TENM4: variants seen among roughly 807,000 people sequenced by gnomAD.
TENM4 encodes the protein teneurin-4.
TENM4 carries 82 observed loss-of-function variants against 243.3 expected under a neutral mutation model. That is an observed-to-expected ratio of 0.34 (90% CI 0.28 to 0.40). The LOEUF (loss-of-function observed/expected upper bound fraction) is 0.40. Ranked by LOEUF, TENM4 falls within the 10% of genes least tolerant of loss-of-function variation. TENM4 has a pLI of 1.00. For missense variants in TENM4, 3,138 were observed against 3,673.3 expected, an observed-to-expected ratio of 0.85 and a Z score of 3.77; for synonymous variants, 1,412 against 1,456.3, an observed-to-expected ratio of 0.97 and a Z score of 0.69.
At chr11:79,146,868 A>G (rs2135046495) in intron 4 of TENM4, among the ~76,000 whole-genome samples, 1 of 152,224 alleles carries the variant, frequency 6.6e-6, no homozygotes, top group Non-Finnish European at 1.5e-5. Flanking sequence ...GCTGACTGAC[A>G]CCATAGCCTG....
chr11:78,930,571 T>C (rs990419733), intron 6 of TENM4, among the ~76,000 whole-genome samples: 1 of 152,168 alleles, frequency 6.6e-6, no homozygotes, highest in African/African-American at 2.4e-5. Context: ...CACCTATAAA[T>C]GAGGAAAATA....
intron 7 of TENM4, among the ~76,000 whole-genome samples, chr11:78,893,780 T>TACACACACACGCACACACACACAC (rs1855722668): frequency 7.0e-6 from 1 of 142,670 alleles, no homozygotes; most frequent in African/African-American, 2.8e-5. Context: ...GGACTTCACA[T>TACACACACACGCACACACACACAC]ACACACACAC....
chr11:78,996,417 T>C (rs1858173925), intron 6 of TENM4, among the ~76,000 whole-genome samples: 1 of 152,224 alleles, frequency 6.6e-6, no homozygotes, highest in Non-Finnish European at 1.5e-5. Flanking sequence ...TTCGATGTTT[T>C]AGCCCCAGCC....
chr11:78,672,516 C>T lies in TENM4; in HGVS notation c.5497-187G>A, dbSNP rs149392955. Among the ~76,000 whole-genome samples the T allele has an allele frequency of 4.6e-3, 693 of 152,282 alleles. 6 individuals carry two copies. The highest frequency in any genetic ancestry group is 0.016 in the African/African-American group (658 of 41,552). ...TTGTCAGCTCTGTGAAGTTTCCTCA[C>T]CTGTAAAATGGGGACAATAATGCCA... On this transcript the variant is annotated intron_variant, in intron 30 of 33. Coordinates refer to ENST00000278550, the MANE Select transcript of TENM4 (RefSeq NM_001098816.3).
chr11:79,152,869 C>G (rs1006012312), intron 3 of TENM4, among the ~76,000 whole-genome samples: 1 of 152,214 alleles, frequency 6.6e-6, no homozygotes, highest in East Asian at 1.9e-4. Context: ...CACAGGAAAA[C>G]CCAACGGCAT....
At chr11:79,276,714 G>A (rs554878148) in intron 2 of TENM4, among the ~76,000 whole-genome samples, 2 of 152,200 alleles carry the variant, frequency 1.3e-5, no homozygotes, top group Admixed American at 6.5e-5. Flanking sequence ...CATCCTTACA[G>A]GAGACTTTGG....
intron 1 of TENM4, among the ~76,000 whole-genome samples, chr11:79,349,326 A>C (rs534489346): frequency 9.8e-4 from 150 of 152,346 alleles, no homozygotes; most frequent in African/African-American, 3.5e-3. Context: ...ATAGAAAAAA[A>C]AGATTTCACC....
chr11:78,848,770 T>C (rs1858460750), intron 12 of TENM4, among the ~76,000 whole-genome samples: 1 of 152,130 alleles, frequency 6.6e-6, no homozygotes, highest in African/African-American at 2.4e-5. Flanking sequence ...ATACCTTCCC[T>C]GTATCCTCAG....
intron 1 of TENM4, among the ~76,000 whole-genome samples, chr11:79,329,797 C>A (rs1320487086): frequency 1.3e-5 from 2 of 152,148 alleles, no homozygotes; most frequent in East Asian, 1.9e-4. Flanking sequence ...GTAGGCTGTG[C>A]AGGTCTCAGC....
chr11:79,199,046 T>C (rs897294920), intron 3 of TENM4, among the ~76,000 whole-genome samples: 5 of 151,912 alleles, frequency 3.3e-5, no homozygotes, highest in African/African-American at 1.2e-4. Context: ...AGATGGCCAG[T>C]GTGGGTGGAG....
At chr11:78,890,956 G>A (rs1855651183) in intron 8 of TENM4, among the ~76,000 whole-genome samples, 1 of 152,212 alleles carries the variant, frequency 6.6e-6, no homozygotes, top group South Asian at 2.1e-4. Context: ...ATACAATACA[G>A]GGCCTGTGCT....
intron 1 of TENM4, among the ~76,000 whole-genome samples, chr11:79,300,725 C>T (rs1203897847): frequency 1.3e-5 from 2 of 152,186 alleles, no homozygotes; most frequent in African/African-American, 4.8e-5. Context: ...TCTTGGTCAT[C>T]ACACTTTTTC....
At position 79,296,248 on chromosome 11, in the gene TENM4, T is replaced by C. The variant is rs190828974; in HGVS notation, c.-265+1240A>G. ...AACTCAGCAAAAGCAGAAGCTACCA[T>C]GCTTGGAGTCCAGGATCATTAAGCT... On this transcript the variant is annotated intron_variant, in intron 2 of 33. Coordinates refer to ENST00000278550, the MANE Select transcript of TENM4 (RefSeq NM_001098816.3). 2.0e-5 allele frequency among the ~76,000 whole-genome samples: 3 copies of C among 152,170 alleles called. No individual in the cohort carries two copies. The East Asian group carries it at 5.8e-4, about 29-fold the overall frequency.
intron 1 of TENM4, among the ~76,000 whole-genome samples, chr11:79,409,777 G>A (rs1220210030): frequency 6.6e-6 from 1 of 152,196 alleles, no homozygotes; most frequent in African/African-American, 2.4e-5. Flanking sequence ...TGGAGGTGGA[G>A]GCTCCACAAC....
At chr11:79,259,165 G>T (rs1291591451) in intron 2 of TENM4, among the ~76,000 whole-genome samples, 1 of 152,120 alleles carries the variant, frequency 6.6e-6, no homozygotes, top group Non-Finnish European at 1.5e-5. Flanking sequence ...CAAAAGGAGG[G>T]TTTCATCAGT....
rs1855622174 is a variant in TENM4, at chr11:78,889,808, A to C, written c.1061T>G (p.Val354Gly). ...LSAIVISATL[V>G]ILLAYFVAMH... Reference sequence around the variant, plus strand: ...ACCCACAAAGTATGCCAGCAGGATGACCAGAGTGGCTGAGATGACGATGGC... The same window carrying C: ...ACCCACAAAGTATGCCAGCAGGATGCCCAGAGTGGCTGAGATGACGATGGC... The change falls in exon 9 of 34, where the codon GTC becomes GGC. Residue 354 changes from valine to glycine, a missense_variant. By Grantham distance (109) the Val-to-Gly change is moderately radical. Around this residue, in one of 2 missense-constraint regions of TENM4, gnomAD observed 671 missense variants for 614.1 expected, o/e 1.09. Transcript: ENST00000278550. 1 of 1,552,074 alleles carries C rather than the reference A, an allele frequency of 6.4e-7. No homozygotes were observed. Among genetic ancestry groups the C allele is most frequent in the Non-Finnish European group, 8.7e-7 (1 of 1,147,082 alleles).
rs185316830 is a variant in TENM4 at position 79,417,206 on chromosome 11, G to A, written c.-321+23303C>T. 5.9e-3 allele frequency among the ~76,000 whole-genome samples: 894 copies of A among 152,272 alleles called. 6 individuals carry two copies. Among genetic ancestry groups the A allele is most frequent in the Non-Finnish European group, 9.7e-3 (659 of 68,022 alleles). On this transcript the variant is annotated intron_variant, in intron 1 of 33. Coordinates refer to ENST00000278550, the MANE Select transcript of TENM4 (RefSeq NM_001098816.3). ...GTGTGTTTCATGCGTTGACTCTTAC[G>A]TAAGCACTGAAAACATGTCTAGAGT...
In TENM4 at chr11:78,930,553, G is replaced by A. The variant is rs1338838192; in HGVS notation, c.494-27030C>T. Among the ~76,000 whole-genome samples the A allele has an allele frequency of 2.6e-5, 4 of 152,074 alleles. No individual in the cohort carries two copies. In the East Asian group the frequency reaches 5.8e-4, roughly 22 times the overall value. On this transcript the variant is annotated intron_variant, in intron 6 of 33. Coordinates refer to ENST00000278550, the MANE Select transcript of TENM4 (RefSeq NM_001098816.3). ...CAATGACTTATCCTATCTGAGCCTCGGTACGCTCACCTATAAATGAGGAAA... is the reference window on the plus strand; with the variant it reads ...CAATGACTTATCCTATCTGAGCCTCAGTACGCTCACCTATAAATGAGGAAA...
intron 1 of TENM4, among the ~76,000 whole-genome samples, chr11:79,322,436 G>A (rs959502335): frequency 7.2e-5 from 11 of 152,166 alleles, no homozygotes; most frequent in Admixed American, 5.2e-4. Context: ...GCTCCTACCC[G>A]TTGAGGCTGT....
Sources: gnomAD v4.1 joint callset for allele counts (sites outside exome capture counted in the v4.1 genomes callset) on GRCh38, gnomAD v4.1.1 for gene constraint, gnomAD v4.1.1 regional missense constraint, MANE v1.5 for transcripts, NCBI Gene and HGNC (gene_info 2026-07-23, HGNC 2026-07-21) for gene names.